The following IL1RAPL1 variants were observed in gnomAD, a reference collection of about 807,000 sequenced individuals.
IL1RAPL1 encodes the protein interleukin-1 receptor accessory protein-like 1.
In IL1RAPL1, 3 loss-of-function variants were observed where a neutral mutation model predicts 48.4. That is an observed-to-expected ratio of 0.06 (90% confidence interval 0.03 to 0.16). IL1RAPL1 has a LOEUF of 0.16. Ranked by LOEUF, IL1RAPL1 falls within the 10% of genes least tolerant of loss-of-function variation. IL1RAPL1 has a pLI of 1.00. For synonymous variants in IL1RAPL1, 185 were observed against 187.7 expected (o/e 0.99, Z 0.12); for missense variants, 349 against 530.6 (o/e 0.66, Z 3.36).
intron 5 of IL1RAPL1, among the ~76,000 whole-genome samples, chrX:29,610,722 A>G (rs945477185): frequency 8.9e-5 from 10 of 112,476 alleles, no homozygotes; most frequent in African/African-American, 2.6e-4. Flanking sequence ...AGTTTGCGCA[A>G]TTGCTGCTGC....
At chrX:29,854,591 C>T (rs1414780174) in intron 6 of IL1RAPL1, among the ~76,000 whole-genome samples, 1 of 111,468 alleles carries the variant, frequency 9.0e-6, no homozygotes, top group Non-Finnish European at 1.9e-5. Flanking sequence ...TGAATCCCAA[C>T]TTCCCCTTTT....
intron 5 of IL1RAPL1, among the ~76,000 whole-genome samples, chrX:29,508,189 T>C (rs1935356155): frequency 9.0e-6 from 1 of 111,712 alleles, no homozygotes; most frequent in South Asian, 3.7e-4. Flanking sequence ...CACTCATTAA[T>C]GCACATAAGA....
intron 1 of IL1RAPL1, chrX:28,659,509 G>T (rs996487480): frequency 2.1e-6 from 1 of 469,564 alleles, no homozygotes; most frequent in African/African-American, 2.4e-5. Flanking sequence ...TTCTCCTTCG[G>T]CTGGAGCTCG....
At chrX:29,023,054 C>T (rs1338750575) in intron 2 of IL1RAPL1, among the ~76,000 whole-genome samples, 1 of 111,994 alleles carries the variant, frequency 8.9e-6, no homozygotes, top group Middle Eastern at 4.2e-3. Flanking sequence ...GTAAGCTTTT[C>T]ACTTCATGCC....
chrX:28,858,969 T>C lies in IL1RAPL1; in HGVS notation c.82+69544T>C, dbSNP rs199511747. ...CCTTTTTCAAAGTTAAACTTTTTCT[T>C]TGATAAAATTTAAATGATAAATATG... On this transcript the variant is annotated intron_variant, in intron 2 of 10. Transcript: ENST00000378993. Among the ~76,000 whole-genome samples, 37 of 112,460 alleles carry C rather than the reference T, an allele frequency of 3.3e-4. No homozygotes were observed. In the East Asian group the frequency reaches 6.7e-3, roughly 20 times the overall value.
At chrX:29,037,711 A>G (rs905719490) in intron 2 of IL1RAPL1, among the ~76,000 whole-genome samples, 1 of 111,675 alleles carries the variant, frequency 9.0e-6, no homozygotes, top group Non-Finnish European at 1.9e-5. Context: ...AAGATTTGTG[A>G]GATACAAAGG....
chrX:29,916,544 C>T lies in IL1RAPL1; in HGVS notation c.779-920C>T, dbSNP rs367695820. Among the ~76,000 whole-genome samples the T allele has an allele frequency of 3.6e-5, 4 of 111,675 alleles. No homozygotes were observed. The East Asian group carries it at 8.4e-4, about 24-fold the overall frequency. On this transcript the variant is annotated intron_variant, in intron 6 of 10. Coordinates refer to ENST00000378993, the MANE Select transcript of IL1RAPL1 (RefSeq NM_014271.4). The stretch of plus-strand genomic sequence containing the variant: ...GTTCCTTTGCCCCAATCCAGACTTA[C>T]AAGACCCCATCTTATCCCTCAATTT...
chrX:28,686,724 G>T (rs1259813709), intron 1 of IL1RAPL1, among the ~76,000 whole-genome samples: 1 of 111,755 alleles, frequency 8.9e-6, no homozygotes, highest in African/African-American at 3.3e-5. Flanking sequence ...TAATGAAAAT[G>T]GTATTATTTA....
chrX:29,358,733 A>T (rs1023608829), intron 3 of IL1RAPL1, among the ~76,000 whole-genome samples: 1 of 111,058 alleles, frequency 9.0e-6, no homozygotes, highest in Non-Finnish European at 1.9e-5. Context: ...TGTAATATAC[A>T]TCAGGCCGGG....
At chrX:28,756,988 T>C (rs1936113052) in intron 1 of IL1RAPL1, among the ~76,000 whole-genome samples, 1 of 112,187 alleles carries the variant, frequency 8.9e-6, no homozygotes, top group East Asian at 2.8e-4. Flanking sequence ...TATAGAATCA[T>C]TGAGAAGAAC....
chrX:29,049,084 T>C (rs16988419), intron 2 of IL1RAPL1, among the ~76,000 whole-genome samples: 5,439 of 112,222 alleles, frequency 0.048, 323 homozygotes, highest in African/African-American at 0.17. Flanking sequence ...TCTAGCAATC[T>C]GTCTAAAACC....
At chrX:29,802,879 A>ATGTATATATGTATACATATATATG (rs1569173010) in intron 6 of IL1RAPL1, among the ~76,000 whole-genome samples, 3 of 83,495 alleles carry the variant, frequency 3.6e-5, no homozygotes, top group South Asian at 1.0e-3. Context: ...GTATACATAT[A>ATGTATATATGTATACATATATATG]TGTATATATG....
chrX:29,432,248 C>T (rs1392225879), intron 5 of IL1RAPL1, among the ~76,000 whole-genome samples: 2 of 111,169 alleles, frequency 1.8e-5, no homozygotes, highest in East Asian at 5.7e-4. Flanking sequence ...ATGGAATGGT[C>T]AATTCTTTCT....
At chrX:29,218,611 C>G (rs1222324902) in intron 2 of IL1RAPL1, among the ~76,000 whole-genome samples, 1 of 111,566 alleles carries the variant, frequency 9.0e-6, no homozygotes, top group Non-Finnish European at 1.9e-5. Context: ...AGATAAAGAT[C>G]ATTATTAAAA....
At chrX:29,511,294 T>G (rs1935390925) in intron 5 of IL1RAPL1, among the ~76,000 whole-genome samples, 1 of 111,555 alleles carries the variant, frequency 9.0e-6, no homozygotes, top group South Asian at 3.7e-4. Context: ...TCATTTGGGG[T>G]TCTTTCACTT....
At position 29,017,177 on chromosome X, in the gene IL1RAPL1, A is replaced by G. The variant is rs113161931; in HGVS notation, c.82+227752A>G. ...AAAAAGCTATAATATTTAGTTACACATGGTCATTTTAAGAAGAGAAAAAGC... is the reference window on the plus strand; with the variant it reads ...AAAAAGCTATAATATTTAGTTACACGTGGTCATTTTAAGAAGAGAAAAAGC... On this transcript the variant is annotated intron_variant, in intron 2 of 10. Coordinates refer to ENST00000378993, the MANE Select transcript of IL1RAPL1 (RefSeq NM_014271.4). Among the ~76,000 whole-genome samples the G allele has an allele frequency of 6.8e-3, 760 of 112,232 alleles. 9 individuals are homozygous for G. Among genetic ancestry groups the G allele is most frequent in the African/African-American group, 0.023 (726 of 30,975 alleles).
At chrX:29,621,617 T>C (rs1053951350) in intron 5 of IL1RAPL1, among the ~76,000 whole-genome samples, 4 of 110,402 alleles carry the variant, frequency 3.6e-5, no homozygotes, top group Non-Finnish European at 7.6e-5. Flanking sequence ...TGCTTATCTT[T>C]TCCTTTATTT....
intron 6 of IL1RAPL1, among the ~76,000 whole-genome samples, chrX:29,671,758 T>C (rs1047865612): frequency 1.2e-3 from 140 of 112,044 alleles, no homozygotes; most frequent in African/African-American, 4.4e-3. Context: ...GCCTGCCTGT[T>C]ACGGCCAGGA....
intron 5 of IL1RAPL1, among the ~76,000 whole-genome samples, chrX:29,454,269 A>T (rs1336003542): frequency 8.9e-6 from 1 of 112,341 alleles, no homozygotes; most frequent in African/African-American, 3.2e-5. Context: ...GAAGATCTGG[A>T]AATAGATTCC....
Sources: allele counts gnomAD v4.1 joint callset (sites outside exome capture counted in the v4.1 genomes callset), GRCh38; gene constraint gnomAD v4.1.1; transcripts MANE v1.5; gene names NCBI Gene and HGNC (gene_info 2026-07-23, HGNC 2026-07-21).